The following SFXN1 variants were observed in gnomAD, a reference collection of about 807,000 sequenced individuals.
The protein encoded by SFXN1 is sideroflexin 1, also known as sideroflexin-1.
SFXN1 carries 32 observed loss-of-function variants against 39.5 expected under a neutral mutation model. That is an observed-to-expected ratio of 0.81 (90% CI 0.61 to 1.09). The LOEUF is 1.09. Ranked by LOEUF, SFXN1 falls within the 50% of genes least tolerant of loss-of-function variation. The pLI is 0.00. For missense variants in SFXN1, 402 were observed against 407.1 expected (o/e 0.99, Z 0.11); for synonymous variants, 136 against 146.5 (o/e 0.93, Z 0.52).
intron 5 of SFXN1, 49 bp from the exon 6 acceptor site, chr5:175,512,062 C>G (rs923849373): frequency 6.7e-7 from 1 of 1,495,946 alleles, no homozygotes; most frequent in Non-Finnish European, 9.3e-7. Flanking sequence ...TTTCCATTTA[C>G]TAGTACAGGA....
chr5:175,509,177 A>C lies in SFXN1; in HGVS notation c.310A>C (p.Thr104Pro). 6.2e-7 allele frequency: 1 copy of C among 1,613,488 alleles called. No individual in the cohort carries two copies. The highest frequency in any genetic ancestry group is 8.5e-7 in the Non-Finnish European group (1 of 1,179,800). The change falls in exon 3 of 11, where the codon ACA (threonine) becomes CCA (proline). Residue 104 changes from threonine (T) to proline (P), a missense_variant. Physicochemically the swap from Thr to Pro is conservative, Grantham distance 38. Transcript: ENST00000321442. ...SAQVPMNMTI[T>P]GCMMTFYRTT... ...CCAGGTTCCCATGAACATGACCATC[A>C]CAGGTTGTATGATGACGTTTTACAG...
At chr5:175,498,924 G>C (rs926930292) in intron 2 of SFXN1, among the ~76,000 whole-genome samples, 5 of 152,154 alleles carry the variant, frequency 3.3e-5, no homozygotes, top group Non-Finnish European at 7.3e-5. Context: ...AGGCCAGATG[G>C]CTTTACACAG....
chr5:175,488,092 T>C lies in SFXN1; in HGVS notation c.-9-4003T>C, dbSNP rs578071933. Reference sequence around the variant, plus strand: ...CAGAGAGATCCTTTTAAATTGTGCGTCCGTTCATTTCGGTCCTCTCATCAG... The same window carrying C: ...CAGAGAGATCCTTTTAAATTGTGCGCCCGTTCATTTCGGTCCTCTCATCAG... On this transcript the variant is annotated intron_variant, in intron 1 of 10. Transcript: ENST00000321442. Among the ~76,000 whole-genome samples, 7 of 152,228 alleles carry C rather than the reference T, an allele frequency of 4.6e-5. No individual in the cohort carries two copies. In the South Asian group the frequency reaches 1.5e-3, roughly 32 times the overall value.
rs563244832 is a variant in SFXN1 at position 175,526,287 on chromosome 5, A to T, written c.873-351A>T. Among the ~76,000 whole-genome samples the T allele has an allele frequency of 2.0e-5, 3 of 152,254 alleles. No individual in the cohort carries two copies. The South Asian group carries it at 6.2e-4, about 32-fold the overall frequency. ...TTATCAATGGTGAACATTGCAAATG[A>T]TTGATACGTTTTTCTTAGGAAGTGG... On this transcript the variant is annotated intron_variant, in intron 10 of 10. Coordinates refer to ENST00000321442, the MANE Select transcript of SFXN1 (RefSeq NM_022754.7).
intron 1 of SFXN1, among the ~76,000 whole-genome samples, chr5:175,489,704 C>A (rs1420832962): frequency 6.6e-6 from 1 of 152,166 alleles, no homozygotes; most frequent in Non-Finnish European, 1.5e-5. Context: ...ACATCAAAAT[C>A]ATCTGGAGAG....
At chr5:175,479,122 C>T (rs1759138990) in intron 1 of SFXN1, among the ~76,000 whole-genome samples, 1 of 152,238 alleles carries the variant, frequency 6.6e-6, no homozygotes, top group South Asian at 2.1e-4. Context: ...CCCTAGAACT[C>T]GCAATCCAGT....
At position 175,492,171 on chromosome 5, in the gene SFXN1, G is replaced by A; in HGVS notation, c.68G>A (p.Gly23Glu). Reference sequence around the variant, plus strand: ...CGATGGGATCAAAGCACTTTCATTGGACGAGCCAATCATTTCTTCACTGTA... The same window carrying A: ...CGATGGGATCAAAGCACTTTCATTGAACGAGCCAATCATTTCTTCACTGTA... Reference protein sequence around the residue: ...EPRWDQSTFIGRANHFFTVTD... With the variant: ...EPRWDQSTFIERANHFFTVTD... The change falls in exon 2 of 11, where the codon GGA becomes GAA. Residue 23 changes from glycine (G) to glutamate (E), a missense_variant. By Grantham distance (98) the Gly-to-Glu change is moderately conservative. Transcript: ENST00000321442. The A allele has an allele frequency of 6.2e-7, 1 of 1,614,036 alleles. No homozygotes were observed. Among genetic ancestry groups the A allele is most frequent in the Non-Finnish European group, 8.5e-7 (1 of 1,179,984 alleles).
intron 1 of SFXN1, chr5:175,491,543 T>C (rs1759655926): frequency 6.6e-6 from 1 of 151,892 alleles, no homozygotes; most frequent in African/African-American, 2.4e-5. Context: ...GGCATGATGA[T>C]AGCTCACTAC....
At chr5:175,491,752 G>A in intron 1 of SFXN1, 1 of 166,764 alleles carries the variant, frequency 6.0e-6, no homozygotes, top group Non-Finnish European at 1.3e-5. Flanking sequence ...CTCCCAAAGT[G>A]CTGGGAACAT....
intron 2 of SFXN1, among the ~76,000 whole-genome samples, chr5:175,506,606 A>C (rs904806198): frequency 6.6e-6 from 1 of 152,230 alleles, no homozygotes; most frequent in Non-Finnish European, 1.5e-5. Context: ...AGATTGGTAT[A>C]TATTACAGTA....
chr5:175,486,639 A>G (rs1219010396), intron 1 of SFXN1, among the ~76,000 whole-genome samples: 1 of 152,078 alleles, frequency 6.6e-6, no homozygotes, highest in African/African-American at 2.4e-5. Flanking sequence ...CTAGCTGGAC[A>G]TGGTGGCAGA....
chr5:175,515,540 G>A (rs1760686964), intron 7 of SFXN1, among the ~76,000 whole-genome samples: 1 of 152,146 alleles, frequency 6.6e-6, no homozygotes, highest in Admixed American at 6.5e-5. Context: ...GCAAATGAAC[G>A]AATGCTGTCC....
chr5:175,509,425 A>G, intron 3 of SFXN1: 2 of 333,776 alleles, frequency 6.0e-6, no homozygotes, highest in Non-Finnish European at 1.1e-5. Flanking sequence ...TGAAGACAAT[A>G]AAAAACAAAA....
chr5:175,495,215 T>C (rs1309670323), intron 2 of SFXN1, among the ~76,000 whole-genome samples: 5 of 152,148 alleles, frequency 3.3e-5, no homozygotes, highest in African/African-American at 1.2e-4. Context: ...AGGACAAATA[T>C]TGTGTGATTT....
intron 2 of SFXN1, among the ~76,000 whole-genome samples, chr5:175,494,401 T>G (rs1639360328): frequency 6.6e-6 from 1 of 152,170 alleles, no homozygotes. Context: ...GGGAGAGAGT[T>G]GTCACTTGGG....
chr5:175,510,136 G>A lies in SFXN1; in HGVS notation c.363G>A (p.Gln121=). The change falls in exon 4 of 11, where the codon CAG becomes CAA. Residue 121 remains glutamine, a synonymous_variant. Transcript: ENST00000321442. ...CTACGCCGGCTGTGCTGTTCTGGCA[G>A]TGGATTAACCAGTCCTTCAATGCCG... The part of the protein sequence containing the change: ...YRTTPAVLFW[Q]WINQSFNAVV... 6.2e-7 allele frequency: 1 copy of A among 1,613,244 alleles called. No individual in the cohort carries two copies.
intron 8 of SFXN1, among the ~76,000 whole-genome samples, chr5:175,517,471 A>C (rs948226441): frequency 6.6e-6 from 1 of 152,098 alleles, no homozygotes; most frequent in Non-Finnish European, 1.5e-5. Flanking sequence ...CTCATGGCTC[A>C]GTCCTGGCAC....
rs1285550775 is a variant in SFXN1 at position 175,511,509 on chromosome 5, C to T, written c.493C>T (p.Leu165Phe). Residue 165 changes from leucine (L) to phenylalanine (F), a missense_variant, in exon 5 of 11, where the codon CTC (leucine) becomes TTC (phenylalanine). Transcript: ENST00000321442. ...TTGAVATALG[L>F]NALTKHVSPL... ...TGGTGCCGTAGCAACAGCTCTAGGA[C>T]TCAATGCATTGACCAAGGTACTCAG... 6.2e-7 allele frequency: 1 copy of T among 1,613,810 alleles called. No individual in the cohort carries two copies. The highest frequency in any genetic ancestry group is 8.5e-7 in the Non-Finnish European group (1 of 1,179,894).
intron 7 of SFXN1, among the ~76,000 whole-genome samples, chr5:175,515,633 A>G (rs990101936): frequency 6.6e-6 from 1 of 152,162 alleles, no homozygotes; most frequent in Non-Finnish European, 1.5e-5. Context: ...GCTGAGGCTC[A>G]GAGAAGTTAG....
Sources: gnomAD v4.1 joint callset for allele counts (sites outside exome capture counted in the v4.1 genomes callset) on GRCh38, gnomAD v4.1.1 for gene constraint, MANE v1.5 for transcripts, NCBI Gene and HGNC (gene_info 2026-07-23, HGNC 2026-07-21) for gene names.